The following TMTC1 variants were observed in gnomAD, a reference collection of about 807,000 sequenced individuals.
TMTC1 encodes the protein transmembrane O-mannosyltransferase targeting cadherins 1, also known as protein O-mannosyl-transferase TMTC1.
TMTC1 carries 73 observed loss-of-function variants against 104.8 expected under a neutral mutation model. The observed-to-expected ratio is 0.70, with a 90% CI of 0.58 to 0.85. TMTC1 has a LOEUF of 0.85. Ranked by LOEUF, TMTC1 falls within the 40% of genes least tolerant of loss-of-function variation. The probability of loss-of-function intolerance (pLI) is 0.00; values close to 1 mark genes in which losing one functional copy is unlikely to be tolerated. For missense variants in TMTC1, 1,035 were observed against 1,096.1 expected, an observed-to-expected ratio of 0.94 and a Z score of 0.79; for synonymous variants, 434 against 428.7, an observed-to-expected ratio of 1.01 and a Z score of -0.15.
intron 5 of TMTC1, among the ~76,000 whole-genome samples, chr12:29,643,279 A>T (rs1245455540): frequency 6.6e-6 from 1 of 151,512 alleles, no homozygotes; most frequent in Non-Finnish European, 1.5e-5. Flanking sequence ...TTGATGCAGC[A>T]ATCCCACACT....
At chr12:29,674,979 C>A (rs921289077) in intron 5 of TMTC1, among the ~76,000 whole-genome samples, 2 of 152,186 alleles carry the variant, frequency 1.3e-5, no homozygotes, top group African/African-American at 4.8e-5. Flanking sequence ...ATTTTCTTTG[C>A]AGCCAATTTC....
intron 1 of TMTC1, among the ~76,000 whole-genome samples, chr12:29,780,593 A>G (rs1192767412): frequency 1.3e-5 from 2 of 150,692 alleles, no homozygotes; most frequent in Non-Finnish European, 3.0e-5. Context: ...TTGACTGTGG[A>G]GGTACTCTCT....
intron 5 of TMTC1, among the ~76,000 whole-genome samples, chr12:29,745,113 A>G (rs747022063): frequency 5.5e-4 from 84 of 151,974 alleles, no homozygotes; most frequent in Non-Finnish European, 1.1e-3. Context: ...ATTTTTTAAA[A>G]CACATTTCCT....
chr12:29,648,513 C>T (rs1293379589), intron 5 of TMTC1, among the ~76,000 whole-genome samples: 1 of 152,160 alleles, frequency 6.6e-6, no homozygotes, highest in African/African-American at 2.4e-5. Context: ...GAGCAAAACA[C>T]AACACAGCAG....
intron 5 of TMTC1, among the ~76,000 whole-genome samples, chr12:29,715,924 C>A (rs1942063057): frequency 6.6e-6 from 1 of 151,922 alleles, no homozygotes; most frequent in East Asian, 1.9e-4. Context: ...CTTCCCACAA[C>A]ATGTGGGGAT....
chr12:29,621,161 T>C (rs1051092559), intron 6 of TMTC1, among the ~76,000 whole-genome samples: 3 of 152,234 alleles, frequency 2.0e-5, no homozygotes, highest in African/African-American at 7.2e-5. Flanking sequence ...AAAATCCGTG[T>C]TGGCATAGAG....
At chr12:29,508,082 G>A (rs1423424760) in intron 17 of TMTC1, among the ~76,000 whole-genome samples, 3 of 152,098 alleles carry the variant, frequency 2.0e-5, no homozygotes, top group African/African-American at 7.2e-5. Flanking sequence ...TAACATTACT[G>A]TTATTAATGA....
chr12:29,508,073 A>C (rs1943739601), intron 17 of TMTC1, among the ~76,000 whole-genome samples: 1 of 152,232 alleles, frequency 6.6e-6, no homozygotes, highest in Admixed American at 6.5e-5. Context: ...ATACGATACT[A>C]ACATTACTGT....
At position 29,767,963 on chromosome 12, in the gene TMTC1, T is replaced by C. The variant is rs1477335549; in HGVS notation, c.415A>G (p.Lys139Glu). The C allele has an allele frequency of 6.2e-7, 1 of 1,613,826 alleles. No individual in the cohort carries two copies. Among genetic ancestry groups the C allele is most frequent in the Non-Finnish European group, 8.5e-7 (1 of 1,179,900 alleles). ...LMYTCDKTVF[K>E]NRGLAFVTAL... ...GTTACAAAAGCAAGTCCACGATTCTTGAAGACAGTTTTATCACAGGTGTAC... is the reference window on the plus strand; with the variant it reads ...GTTACAAAAGCAAGTCCACGATTCTCGAAGACAGTTTTATCACAGGTGTAC... The change falls in exon 2 of 18, where the codon AAG (lysine) becomes GAG (glutamate). Residue 139 changes from lysine (K) to glutamate (E), a missense_variant. Physicochemically the swap from Lys to Glu is moderately conservative, Grantham distance 56. Transcript: ENST00000539277.
chr12:29,696,949 T>C (rs1384423972), intron 5 of TMTC1, among the ~76,000 whole-genome samples: 1 of 152,208 alleles, frequency 6.6e-6, no homozygotes, highest in Non-Finnish European at 1.5e-5. Context: ...ATAAAATATT[T>C]TGAAAACCAG....
Position 29,712,654 on chromosome 12 carries a change from T to C in TMTC1, c.938+39012A>G, listed in dbSNP as rs1182230532. 2.0e-5 allele frequency among the ~76,000 whole-genome samples: 3 copies of C among 152,244 alleles called. No individual in the cohort carries two copies. In the East Asian group the frequency reaches 5.8e-4, roughly 29 times the overall value. On this transcript the variant is annotated intron_variant, in intron 5 of 17. Transcript: ENST00000539277. The stretch of plus-strand genomic sequence containing the variant: ...GGAGAATAGAAGCTGAATTCCCATA[T>C]TTCCTTCTACATTCAATCTGCTGCT...
At chr12:29,508,092 A>G (rs1196310453) in intron 17 of TMTC1, among the ~76,000 whole-genome samples, 1 of 152,352 alleles carries the variant, frequency 6.6e-6, no homozygotes, top group Non-Finnish European at 1.5e-5. Context: ...GTTATTAATG[A>G]CTATCCAGGC....
chr12:29,690,422 T>C (rs1056707886), intron 5 of TMTC1, among the ~76,000 whole-genome samples: 8 of 152,350 alleles, frequency 5.3e-5, no homozygotes, highest in Admixed American at 2.0e-4. Flanking sequence ...GCACCTTATA[T>C]ATGAAGTGTG....
chr12:29,598,545 T>C (rs555192213), intron 7 of TMTC1, among the ~76,000 whole-genome samples: 5 of 152,348 alleles, frequency 3.3e-5, no homozygotes, highest in African/African-American at 1.2e-4. Context: ...TTTTCTTTCA[T>C]TGAATTTTAT....
At chr12:29,695,348 A>C (rs9634106) in intron 5 of TMTC1, among the ~76,000 whole-genome samples, 25,514 of 151,598 alleles carry the variant, frequency 0.17, 2,344 homozygotes, top group East Asian at 0.37. Context: ...CACTTTGTTG[A>C]CAGGCTGGAG....
intron 5 of TMTC1, among the ~76,000 whole-genome samples, chr12:29,684,276 C>T (rs1279745162): frequency 6.6e-6 from 1 of 152,134 alleles, no homozygotes; most frequent in Non-Finnish European, 1.5e-5. Flanking sequence ...TTGATAATGA[C>T]AAGAGAAAAA....
chr12:29,550,591 G>A (rs894368810), intron 10 of TMTC1, among the ~76,000 whole-genome samples: 8 of 152,122 alleles, frequency 5.3e-5, no homozygotes, highest in African/African-American at 1.7e-4. Flanking sequence ...GAGCATTTCG[G>A]AGTTCAAATG....
chr12:29,746,869 T>C (rs139463119), intron 5 of TMTC1, among the ~76,000 whole-genome samples: 114 of 152,314 alleles, frequency 7.5e-4, no homozygotes, highest in Non-Finnish European at 1.2e-3. Flanking sequence ...AGAAATATCA[T>C]GATCATCATC....
intron 10 of TMTC1, among the ~76,000 whole-genome samples, chr12:29,555,850 T>C (rs190796272): frequency 3.9e-5 from 6 of 152,276 alleles, no homozygotes; most frequent in Admixed American, 1.3e-4. Context: ...AGTAATGGGA[T>C]TGCTGGGTCA....
Sources: allele counts gnomAD v4.1 joint callset (sites outside exome capture counted in the v4.1 genomes callset), GRCh38; gene constraint gnomAD v4.1.1; transcripts MANE v1.5; gene names NCBI Gene and HGNC (gene_info 2026-07-23, HGNC 2026-07-21).